The following UGT1A7 variants were observed in gnomAD, a reference collection of about 807,000 sequenced individuals.
UGT1A7 encodes UDP-glucuronosyltransferase 1A7.
In UGT1A7, 33 loss-of-function variants were observed where a neutral mutation model predicts 45.6. That is an observed-to-expected ratio of 0.72 (90% CI 0.55 to 0.97). The LOEUF is 0.97. UGT1A7 is among the 50% of genes least tolerant of loss of function. The pLI is 0.00. For missense variants in UGT1A7, 684 were observed against 666.2 expected, an observed-to-expected ratio of 1.03 and a Z score of -0.29; for synonymous variants, 274 against 250.6, an observed-to-expected ratio of 1.09 and a Z score of -0.88.
chr2:233,772,386 G>A lies in UGT1A7; in HGVS notation c.1420G>A (p.Ala474Thr), dbSNP rs765612353. 2.0e-5 allele frequency: 33 copies of A among 1,614,110 alleles called. No homozygotes were observed. Among genetic ancestry groups the A allele is most frequent in the Middle Eastern group, 1.6e-4 (1 of 6,084 alleles). ...CAAGGGCGCGCCACACCTGCGCCCC[G>A]CAGCCCACGACCTCACCTGGTACCA... The part of the protein sequence containing the change: ...RHKGAPHLRP[A>T]AHDLTWYQYH... Residue 474 changes from alanine to threonine, a missense_variant, in exon 5 of 5, where the codon GCA becomes ACA. Coordinates refer to ENST00000373426, the MANE Select transcript of UGT1A7 (RefSeq NM_019077.3).
intron 1 of UGT1A7, among the ~76,000 whole-genome samples, chr2:233,756,569 C>G (rs1206188588): frequency 6.6e-6 from 1 of 152,130 alleles, no homozygotes; most frequent in Non-Finnish European, 1.5e-5. Flanking sequence ...TCCTCTCAGA[C>G]AAAAGGAAAT....
chr2:233,729,670 T>C, intron 1 of UGT1A7: 1 of 1,613,952 alleles, frequency 6.2e-7, no homozygotes, highest in Non-Finnish European at 8.5e-7. Context: ...TGATTTAGAC[T>C]TTAAGGGCAC....
intron 1 of UGT1A7, chr2:233,729,354 C>A (rs767130471): frequency 2.5e-6 from 4 of 1,614,190 alleles, no homozygotes; most frequent in Non-Finnish European, 2.5e-6. Context: ...ACTTTTTCAC[C>A]CTGACAACCT....
chr2:233,688,357 ATGT>A (rs2074889587), intron 1 of UGT1A7, among the ~76,000 whole-genome samples: 1 of 152,188 alleles, frequency 6.6e-6, no homozygotes, highest in South Asian at 2.1e-4. Context: ...ATGAAAAATA[ATGT>A]TGTTGTGAAC....
intron 1 of UGT1A7, among the ~76,000 whole-genome samples, chr2:233,716,917 G>A (rs2076533207): frequency 6.6e-6 from 1 of 152,116 alleles, no homozygotes. Flanking sequence ...CCTGGAAGCT[G>A]ATGCCTTGGG....
At chr2:233,760,401 C>T (rs2125983506) in intron 1 of UGT1A7, 1 of 1,614,220 alleles carries the variant, frequency 6.2e-7, no homozygotes, top group Non-Finnish European at 8.5e-7. Flanking sequence ...TGGATGGCAG[C>T]CACTGGCTGA....
chr2:233,772,155 C>T, intron 4 of UGT1A7, 107 bp from the exon 5 acceptor site: 1 of 1,559,740 alleles, frequency 6.4e-7, no homozygotes, highest in Non-Finnish European at 8.7e-7. Context: ...GGTTTCCTTT[C>T]CCAAGTTTGG....
intron 1 of UGT1A7, chr2:233,719,341 G>A (rs188312736): frequency 1.2e-6 from 2 of 1,613,900 alleles, no homozygotes; most frequent in Non-Finnish European, 1.7e-6. Context: ...TTTTTTTGGA[G>A]GTACATTCCA....
chr2:233,731,901 A>G (rs1358657529), intron 1 of UGT1A7, among the ~76,000 whole-genome samples: 15 of 152,182 alleles, frequency 9.9e-5, no homozygotes, highest in Non-Finnish European at 1.9e-4. Flanking sequence ...ACTCCCACCA[A>G]TGGTGTAAAA....
At chr2:233,691,396 C>T (rs2075041228) in intron 1 of UGT1A7, 1 of 985,598 alleles carries the variant, frequency 1.0e-6, no homozygotes. Context: ...TGGGGGCCAG[C>T]CCTGTCCTTG....
intron 1 of UGT1A7, among the ~76,000 whole-genome samples, chr2:233,712,689 G>T (rs550235910): frequency 6.6e-5 from 10 of 152,258 alleles, no homozygotes; most frequent in South Asian, 6.2e-4. Context: ...ATGAAATGGG[G>T]GTTCACAGCC....
At chr2:233,750,904 G>C (rs1235200101) in intron 1 of UGT1A7, among the ~76,000 whole-genome samples, 1 of 151,906 alleles carries the variant, frequency 6.6e-6, no homozygotes, top group Non-Finnish European at 1.5e-5. Context: ...ACCTCTGCTA[G>C]AGAAGGGTGG....
rs1178018823 is a variant in UGT1A7, at chr2:233,724,688, G to A, written c.855+41896G>A. 1.4e-5 allele frequency among the ~76,000 whole-genome samples: 2 copies of A among 144,826 alleles called. 1 individual carries two copies. Among genetic ancestry groups the A allele is most frequent in the Non-Finnish European group, 3.0e-5 (2 of 66,424 alleles). On this transcript the variant is annotated intron_variant, in intron 1 of 4. Transcript: ENST00000373426. ...TCACTTCCTAGATGGGATGGCGGCC[G>A]GGTGAAGACGCTCCTCGCTTTCCAG...
Position 233,760,769 on chromosome 2 carries a change from C to T in UGT1A7, c.856-6265C>T, listed in dbSNP as rs756981269. 1.9e-6 allele frequency: 3 copies of T among 1,614,028 alleles called. No individual in the cohort carries two copies. The South Asian group carries it at 3.3e-5, about 18-fold the overall frequency. On this transcript the variant is annotated intron_variant, in intron 1 of 4. Coordinates refer to ENST00000373426, the MANE Select transcript of UGT1A7 (RefSeq NM_019077.3). ...TTCCTTCCTTGCAGCCCCATCGTGG[C>T]CCAGTACCTGTCTCTGCCCACTGTA...
At chr2:233,733,983 C>A (rs1268250784) in intron 1 of UGT1A7, among the ~76,000 whole-genome samples, 1 of 151,994 alleles carries the variant, frequency 6.6e-6, no homozygotes, top group African/African-American at 2.4e-5. Context: ...GGAGGGATAG[C>A]ATTAGGAGAT....
At chr2:233,709,792 A>G (rs1262509274) in intron 1 of UGT1A7, among the ~76,000 whole-genome samples, 14 of 152,212 alleles carry the variant, frequency 9.2e-5, no homozygotes, top group Admixed American at 3.9e-4. Flanking sequence ...CACCGTTTTA[A>G]TGATACATTT....
At chr2:233,729,463 A>G (rs369094416) in intron 1 of UGT1A7, 48 of 1,614,060 alleles carry the variant, frequency 3.0e-5, no homozygotes, top group African/African-American at 4.0e-5. Flanking sequence ...ATTTTTCAGA[A>G]GTATGGCAAT....
rs550573221 is a variant in UGT1A7 at position 233,701,154 on chromosome 2, A to G, written c.855+18362A>G. On this transcript the variant is annotated intron_variant, in intron 1 of 4. Transcript: ENST00000373426. ...TTTAGGTTGGTTCCAAGTCTTTGCT[A>G]TTGTGAATAGTGCCGTTATAAACAT... is the stretch of plus-strand genomic sequence containing the variant. Among the ~76,000 whole-genome samples the G allele has an allele frequency of 9.9e-5, 15 of 152,250 alleles. 1 individual carries two copies. The East Asian group carries it at 2.7e-3, about 27-fold the overall frequency.
intron 4 of UGT1A7, chr2:233,771,269 T>A (rs1318778151): frequency 6.6e-6 from 1 of 152,200 alleles, no homozygotes; most frequent in African/African-American, 2.4e-5. Flanking sequence ...CCTTTTTTTT[T>A]CTTTCTTCTC....
Sources: gnomAD v4.1 joint callset for allele counts (sites outside exome capture counted in the v4.1 genomes callset) on GRCh38, gnomAD v4.1.1 for gene constraint, MANE v1.5 for transcripts, NCBI Gene and HGNC (gene_info 2026-07-23, HGNC 2026-07-21) for gene names.